The following B3GALNT1 variants were observed in gnomAD, a reference collection of about 807,000 sequenced individuals.
B3GALNT1 encodes beta-1,3-N-acetylgalactosaminyltransferase 1 (Globoside blood group).
Under a neutral mutation model 27.3 loss-of-function variants are expected in B3GALNT1, and 17 were observed. That is an observed-to-expected ratio of 0.62 (90% CI 0.43 to 0.94). B3GALNT1 has a LOEUF of 0.94. B3GALNT1 is among the 40% of genes least tolerant of loss of function. B3GALNT1 has a pLI of 0.00. For missense variants in B3GALNT1, 347 were observed against 390.0 expected, an observed-to-expected ratio of 0.89 and a Z score of 0.93; for synonymous variants, 141 against 144.0, an observed-to-expected ratio of 0.98 and a Z score of 0.15.
chr3:161,085,168 T>C lies in B3GALNT1; in HGVS notation c.*591A>G. ...TGTAAAGAATGATTCACTATCCTTT[T>C]TATCTTGTATTGAAATCGTCAAAAC... On this transcript the variant is annotated 3_prime_UTR_variant, in exon 5 of 5. Transcript: ENST00000320474. The C allele has an allele frequency of 6.6e-6, 1 of 152,618 alleles. No individual in the cohort carries two copies. The highest frequency in any genetic ancestry group is 1.9e-4 in the East Asian group (1 of 5,204). The allele number at this position is 152,618 out of a possible 1,614,324, so 9.5% of individuals were successfully genotyped here.
intron 3 of B3GALNT1, among the ~76,000 whole-genome samples, 156 bp from the exon 4 acceptor site, chr3:161,101,389 C>T (rs1731181891): frequency 6.6e-6 from 1 of 152,162 alleles, no homozygotes; most frequent in African/African-American, 2.4e-5. Flanking sequence ...CATTACTACC[C>T]TAAATTGAGA....
At chr3:161,088,288 A>C (rs1197062072) in intron 4 of B3GALNT1, among the ~76,000 whole-genome samples, 2 of 152,152 alleles carry the variant, frequency 1.3e-5, no homozygotes, top group Non-Finnish European at 2.9e-5. Flanking sequence ...ATTTTAACCC[A>C]CACAACGCAA....
chr3:161,096,564 G>A (rs556393184), intron 4 of B3GALNT1, among the ~76,000 whole-genome samples: 6 of 152,042 alleles, frequency 3.9e-5, no homozygotes, highest in Admixed American at 2.6e-4. Context: ...CCTTATAAAG[G>A]GAAAATAACT....
chr3:161,098,662 A>G (rs2108411619), intron 4 of B3GALNT1, among the ~76,000 whole-genome samples: 1 of 152,336 alleles, frequency 6.6e-6, no homozygotes, highest in African/African-American at 2.4e-5. Flanking sequence ...TTCCATGCAA[A>G]TCATGCTCAC....
rs1720775685 is a variant in B3GALNT1 at position 161,084,444 on chromosome 3, A to G, written c.*1315T>C. ...ACTTTCAAGTTTATATTTCCTGACA[A>G]AGGATATGACCTTTTTCCATCCTGT... On this transcript the variant is annotated 3_prime_UTR_variant, in exon 5 of 5. Transcript: ENST00000320474. The G allele has an allele frequency of 6.6e-6, 1 of 152,164 alleles. No homozygotes were observed. Among genetic ancestry groups the G allele is most frequent in the South Asian group, 2.1e-4 (1 of 4,830 alleles). 9.4% of individuals were successfully genotyped at this position (152,164 alleles called of 1,614,324 possible).
chr3:161,101,350 G>A (rs777687732), intron 3 of B3GALNT1, 117 bp from the exon 4 acceptor site: 25 of 496,228 alleles, frequency 5.0e-5, no homozygotes, highest in East Asian at 3.5e-4. Context: ...GAAGAGTATC[G>A]GGGAGCTGCT....
intron 3 of B3GALNT1, among the ~76,000 whole-genome samples, chr3:161,101,555 T>C (rs1731289918): frequency 6.6e-6 from 1 of 152,130 alleles, no homozygotes; most frequent in Non-Finnish European, 1.5e-5. Context: ...GTCCTCAAGT[T>C]GCCGACACTC....
At chr3:161,102,465 C>A in intron 3 of B3GALNT1, among the ~76,000 whole-genome samples, 1 of 152,154 alleles carries the variant, frequency 6.6e-6, no homozygotes, top group Non-Finnish European at 1.5e-5. Flanking sequence ...CTACAAACTG[C>A]CGTATTTCTA....
At chr3:161,087,946 T>C (rs1020792401) in intron 4 of B3GALNT1, among the ~76,000 whole-genome samples, 23 of 152,190 alleles carry the variant, frequency 1.5e-4, no homozygotes, top group African/African-American at 5.5e-4. Flanking sequence ...TAAGGAACTT[T>C]AGCATAAGGG....
At chr3:161,091,198 G>A (rs1158623126) in intron 4 of B3GALNT1, among the ~76,000 whole-genome samples, 1 of 152,170 alleles carries the variant, frequency 6.6e-6, no homozygotes, top group African/African-American at 2.4e-5. Flanking sequence ...GGGTGTGGGA[G>A]GTCCGGGCTG....
At chr3:161,101,345 G>A in intron 3 of B3GALNT1, 112 bp from the exon 4 acceptor site, 2 of 520,418 alleles carry the variant, frequency 3.8e-6, no homozygotes, top group Non-Finnish European at 6.8e-6. Flanking sequence ...TGGAGGAAGA[G>A]TATCGGGGAG....
At chr3:161,098,108 T>C (rs1729175413) in intron 4 of B3GALNT1, among the ~76,000 whole-genome samples, 1 of 152,204 alleles carries the variant, frequency 6.6e-6, no homozygotes. Context: ...CCTGGCACTG[T>C]AGTAAGTATG....
At position 161,101,211 on chromosome 3, in the gene B3GALNT1, C is replaced by G. The variant is rs1244971458; in HGVS notation, c.-107G>C. 5 of 1,289,878 alleles carry G rather than the reference C, an allele frequency of 3.9e-6. No homozygotes were observed. The South Asian group carries it at 4.9e-5, about 13-fold the overall frequency. The allele number at this position is 1,289,878 out of a possible 1,614,324, so 79.9% of individuals were successfully genotyped here. On this transcript the variant is annotated 5_prime_UTR_variant, in exon 4 of 5. Transcript: ENST00000320474. Reference sequence around the variant, plus strand: ...CCAGCGGGAAGAGCCAACAGGTCAACCGGGTCCAGGGAGCTAAGAAAACTG... The same window carrying G: ...CCAGCGGGAAGAGCCAACAGGTCAAGCGGGTCCAGGGAGCTAAGAAAACTG...
In B3GALNT1 at chr3:161,085,842, C is replaced by T. The variant is rs1721368082; in HGVS notation, c.913G>A (p.Val305Met). ...GAAGAAAAGCCATGGGCTGCAATCACACGTCTCAGTTGACAGACATCCAAA... is the reference window on the plus strand; with the variant it reads ...GAAGAAAAGCCATGGGCTGCAATCATACGTCTCAGTTGACAGACATCCAAA... Reference protein sequence around the residue: ...IHLDVCQLRRVIAAHGFSSKE... With the variant: ...IHLDVCQLRRMIAAHGFSSKE... Residue 305 changes from valine to methionine, a missense_variant, in exon 5 of 5, where the codon GTG (valine) becomes ATG (methionine). By Grantham distance (21) the Val-to-Met change is conservative. Transcript: ENST00000320474. 1 of 1,614,178 alleles carries T rather than the reference C, an allele frequency of 6.2e-7. No individual in the cohort carries two copies. Among genetic ancestry groups the T allele is most frequent in the Non-Finnish European group, 8.5e-7 (1 of 1,180,032 alleles).
chr3:161,086,726 G>A lies in B3GALNT1; in HGVS notation c.29C>T (p.Pro10Leu), dbSNP rs143242709. The stretch of plus-strand genomic sequence containing the variant: ...GAGGGATCTCAGTGACATCCTACTC[G>A]GAAGGACAGTCCAGAGAGCCGAGGC... MASALWTVL[P>L]SRMSLRSLKW... Residue 10 changes from proline to leucine, a missense_variant, in exon 5 of 5, where the codon CCG becomes CTG. Pro to Leu is a moderately conservative substitution (Grantham distance 98). Transcript: ENST00000320474. The A allele has an allele frequency of 1.5e-5, 25 of 1,613,882 alleles. No individual in the cohort carries two copies. Among genetic ancestry groups the A allele is most frequent in the South Asian group, 4.4e-5 (4 of 91,076 alleles).
chr3:161,103,477 A>G lies in B3GALNT1; in HGVS notation c.-180T>C, dbSNP rs1447595483. 7.8e-7 allele frequency: 1 copy of G among 1,284,122 alleles called. No individual in the cohort carries two copies. The highest frequency in any genetic ancestry group is 1.0e-6 in the Non-Finnish European group (1 of 984,314). 79.5% of individuals were successfully genotyped at this position (1,284,122 alleles called of 1,614,324 possible). A position where few individuals can be genotyped will look rare whatever the true frequency, so the allele number is the denominator to read the frequency against. On this transcript the variant is annotated 5_prime_UTR_variant, in exon 3 of 5. Transcript: ENST00000320474. ...GCTTAAGTTTTTTGTTGTTTTCTGTATTCCATGCTTAATTAAAACACTCAG... is the reference window on the plus strand; with the variant it reads ...GCTTAAGTTTTTTGTTGTTTTCTGTGTTCCATGCTTAATTAAAACACTCAG...
intron 3 of B3GALNT1, among the ~76,000 whole-genome samples, chr3:161,102,756 C>T (rs538174596): frequency 2.0e-5 from 3 of 152,306 alleles, no homozygotes; most frequent in African/African-American, 7.2e-5. Flanking sequence ...CCATAGCGAG[C>T]AACCATGATC....
chr3:161,099,487 G>A (rs773509435), intron 4 of B3GALNT1, among the ~76,000 whole-genome samples: 3 of 152,170 alleles, frequency 2.0e-5, no homozygotes, highest in Non-Finnish European at 4.4e-5. Context: ...GTTTAGCTGA[G>A]TATGAGTCCA....
intron 4 of B3GALNT1, among the ~76,000 whole-genome samples, chr3:161,098,777 G>A (rs1261317986): frequency 6.6e-6 from 1 of 152,200 alleles, no homozygotes; most frequent in Non-Finnish European, 1.5e-5. Flanking sequence ...CCCTGAATAA[G>A]TTGCTGAGAC....
Sources: gnomAD v4.1 joint callset for allele counts (sites outside exome capture counted in the v4.1 genomes callset) on GRCh38, gnomAD v4.1.1 for gene constraint, MANE v1.5 for transcripts, NCBI Gene and HGNC (gene_info 2026-07-23, HGNC 2026-07-21) for gene names.